ZFAND6: variants seen among roughly 807,000 people sequenced by gnomAD.
The protein encoded by ZFAND6 is AN1-type zinc finger protein 6.
In ZFAND6, 12 loss-of-function variants were observed where a neutral mutation model predicts 24.5. The ratio of observed to expected loss-of-function variants is 0.49; its 90% confidence interval spans 0.31 to 0.79. The LOEUF (loss-of-function observed/expected upper bound fraction) is 0.79. Among genes scored for constraint, ZFAND6 ranks in the 30% least tolerant of loss-of-function variants. The pLI, the probability that ZFAND6 is intolerant of heterozygous loss-of-function variation, is 0.04. For missense variants in ZFAND6, 207 were observed against 245.9 expected, an observed-to-expected ratio of 0.84 and a Z score of 1.06; for synonymous variants, 92 against 81.5, an observed-to-expected ratio of 1.13 and a Z score of -0.69.
intron 1 of ZFAND6, among the ~76,000 whole-genome samples, chr15:80,086,124 C>T (rs577807404): frequency 3.9e-5 from 6 of 152,236 alleles, no homozygotes; most frequent in African/African-American, 7.2e-5. Flanking sequence ...CTGCAACCTC[C>T]GTCTGCCGGG....
At chr15:80,089,606 T>C (rs1423113926) in intron 1 of ZFAND6, among the ~76,000 whole-genome samples, 2 of 152,082 alleles carry the variant, frequency 1.3e-5, no homozygotes, top group South Asian at 4.1e-4. Context: ...TGAATTGAAA[T>C]GAATATGTAA....
At chr15:80,071,551 C>G (rs975879667) in intron 1 of ZFAND6, among the ~76,000 whole-genome samples, 7 of 151,910 alleles carry the variant, frequency 4.6e-5, no homozygotes, top group African/African-American at 7.3e-5. Context: ...AAATAGCAAA[C>G]TTAGTAATGT....
chr15:80,122,056 A>G (rs1275624076), intron 4 of ZFAND6, among the ~76,000 whole-genome samples: 1 of 152,062 alleles, frequency 6.6e-6, no homozygotes, highest in Non-Finnish European at 1.5e-5. Flanking sequence ...TTCTCATAAT[A>G]TATCCTGACC....
chr15:80,122,085 G>A (rs992140706), intron 4 of ZFAND6, among the ~76,000 whole-genome samples: 5 of 151,850 alleles, frequency 3.3e-5, no homozygotes, highest in Admixed American at 2.0e-4. Flanking sequence ...AAGTCCTTTG[G>A]AAGCATGTTA....
At chr15:80,116,037 C>T (rs563737529) in intron 2 of ZFAND6, among the ~76,000 whole-genome samples, 2 of 151,684 alleles carry the variant, frequency 1.3e-5, no homozygotes, top group African/African-American at 4.8e-5. Context: ...GTGGTTTAGA[C>T]CCGAGTTCCT....
At chr15:80,087,742 A>G (rs575343963) in intron 1 of ZFAND6, among the ~76,000 whole-genome samples, 4 of 152,286 alleles carry the variant, frequency 2.6e-5, no homozygotes, top group South Asian at 4.1e-4. Flanking sequence ...AAACTTTTAC[A>G]TAGTTATTGC....
Position 80,137,605 on chromosome 15 carries a change from G to C in ZFAND6, c.604G>C (p.Gly202Arg), listed in dbSNP as rs1226153364. ...CAGAAAAGAAAATCCAGTAGTTGTTGGTGAAAAGATCCAAAAGATTTGAAC... is the reference window on the plus strand; with the variant it reads ...CAGAAAAGAAAATCCAGTAGTTGTTCGTGAAAAGATCCAAAAGATTTGAAC... ...KIRKENPVVV[G>R]EKIQKI Residue 202 changes from glycine to arginine, a missense_variant, in exon 7 of 7, where the codon GGT becomes CGT. By Grantham distance (125) the Gly-to-Arg change is moderately radical. This residue lies in a region of ZFAND6 where 45 missense variants were observed against 67.7 expected (regional missense o/e 0.66). Coordinates refer to ENST00000261749, the MANE Select transcript of ZFAND6 (RefSeq NM_019006.4). The C allele has an allele frequency of 1.3e-6, 2 of 1,592,370 alleles. No homozygotes were observed. The highest frequency in any genetic ancestry group is 1.7e-6 in the Non-Finnish European group (2 of 1,173,378).
At chr15:80,103,450 T>G (rs2039141474) in intron 2 of ZFAND6, among the ~76,000 whole-genome samples, 1 of 152,196 alleles carries the variant, frequency 6.6e-6, no homozygotes, top group Non-Finnish European at 1.5e-5. Flanking sequence ...ACATCTCAAT[T>G]CAAAGTGCCT....
chr15:80,124,968 GTA>G (rs2040313421), intron 5 of ZFAND6, among the ~76,000 whole-genome samples: 1 of 152,132 alleles, frequency 6.6e-6, no homozygotes. Context: ...ATGTATGTTT[GTA>G]TATATGTACG....
chr15:80,062,322 T>C (rs2141769309), intron 1 of ZFAND6, among the ~76,000 whole-genome samples: 1 of 152,348 alleles, frequency 6.6e-6, no homozygotes, highest in South Asian at 2.1e-4. Flanking sequence ...TCTGTGGAAT[T>C]AAATTTTGTA....
intron 1 of ZFAND6, among the ~76,000 whole-genome samples, chr15:80,066,899 A>C (rs1011514128): frequency 1.5e-4 from 18 of 121,146 alleles, no homozygotes; most frequent in African/African-American, 2.6e-4. Flanking sequence ...TCCATCTCCC[A>C]AAAAAAAAAA....
intron 5 of ZFAND6, among the ~76,000 whole-genome samples, chr15:80,128,804 T>G (rs567268288): frequency 6.1e-4 from 93 of 152,316 alleles, no homozygotes; most frequent in African/African-American, 2.0e-3. Flanking sequence ...ACCATTGGCC[T>G]TCTTTGGGGC....
At chr15:80,124,451 G>T (rs967579646) in intron 5 of ZFAND6, among the ~76,000 whole-genome samples, 1 of 151,918 alleles carries the variant, frequency 6.6e-6, no homozygotes, top group Admixed American at 6.6e-5. Flanking sequence ...AAAAAATTTA[G>T]AATGTTGGCA....
At chr15:80,081,861 G>T (rs772787315) in intron 1 of ZFAND6, among the ~76,000 whole-genome samples, 1 of 152,198 alleles carries the variant, frequency 6.6e-6, no homozygotes, top group East Asian at 1.9e-4. Context: ...ACTTGTGTTT[G>T]TTATAGATGA....
intron 1 of ZFAND6, among the ~76,000 whole-genome samples, chr15:80,069,316 C>A (rs2036840878): frequency 6.6e-6 from 1 of 152,116 alleles, no homozygotes; most frequent in Admixed American, 6.5e-5. Context: ...ATTGTGATCC[C>A]TGTTTCTTTT....
chr15:80,116,545 G>A (rs1478979857), intron 2 of ZFAND6, among the ~76,000 whole-genome samples: 3 of 152,028 alleles, frequency 2.0e-5, no homozygotes, highest in Non-Finnish European at 4.4e-5. Context: ...TAGTTGCTTT[G>A]GCATTCAATC....
intron 2 of ZFAND6, among the ~76,000 whole-genome samples, chr15:80,108,783 T>C (rs1323074848): frequency 6.6e-6 from 1 of 151,864 alleles, no homozygotes; most frequent in African/African-American, 2.4e-5. Flanking sequence ...CAGGCTGGAG[T>C]GCAGTGGTGC....
chr15:80,069,135 C>T (rs1012949040), intron 1 of ZFAND6, among the ~76,000 whole-genome samples: 5 of 151,912 alleles, frequency 3.3e-5, no homozygotes, highest in African/African-American at 9.7e-5. Context: ...GTTTAGGCCT[C>T]CAAGGAGAGA....
In ZFAND6 at chr15:80,124,608, G is replaced by A. The variant is rs117599287; in HGVS notation, c.364+1808G>A. Among the ~76,000 whole-genome samples the A allele has an allele frequency of 7.2e-5, 11 of 152,166 alleles. No homozygotes were observed. In the East Asian group the frequency reaches 2.1e-3, roughly 29 times the overall value. ...TAAAAGTGTTTTTATTTCCATTTGT[G>A]GTGTATGGAAAACAATACCGTTTTC... On this transcript the variant is annotated intron_variant, in intron 5 of 6. Coordinates refer to ENST00000261749, the MANE Select transcript of ZFAND6 (RefSeq NM_019006.4).
Sources: gnomAD v4.1 joint callset for allele counts (sites outside exome capture counted in the v4.1 genomes callset) on GRCh38, gnomAD v4.1.1 for gene constraint, gnomAD v4.1.1 regional missense constraint, MANE v1.5 for transcripts, NCBI Gene and HGNC (gene_info 2026-07-23, HGNC 2026-07-21) for gene names.